FBLN1: variants seen among roughly 807,000 people sequenced by gnomAD.
FBLN1 encodes the protein fibulin-1.
FBLN1 carries 34 observed loss-of-function variants against 89.7 expected under a neutral mutation model. That is an observed-to-expected ratio of 0.38 (90% CI 0.29 to 0.50). The LOEUF is 0.50. FBLN1 is among the 20% of genes least tolerant of loss of function. The probability of loss-of-function intolerance (pLI) is 0.92; values close to 1 mark genes in which losing one functional copy is unlikely to be tolerated. For synonymous variants in FBLN1, 393 were observed against 391.3 expected, an observed-to-expected ratio of 1.00 and a Z score of -0.05; for missense variants, 777 against 988.1, an observed-to-expected ratio of 0.79 and a Z score of 2.86.
chr22:45,520,403 T>C (rs1400500771), intron 2 of FBLN1, among the ~76,000 whole-genome samples: 3 of 152,206 alleles, frequency 2.0e-5, no homozygotes, highest in African/African-American at 7.2e-5. Flanking sequence ...TCTCCCTGTG[T>C]CCTCACACGG....
rs1033369048 is a variant in FBLN1 at position 45,577,285 on chromosome 22, C to G, written c.1972+177C>G. Among the ~76,000 whole-genome samples the G allele has an allele frequency of 6.6e-6, 1 of 152,138 alleles. No homozygotes were observed. The highest frequency in any genetic ancestry group is 1.5e-5 in the Non-Finnish European group (1 of 68,036). On this transcript the variant is annotated intron_variant, in intron 16 of 16. Coordinates refer to ENST00000327858, the MANE Select transcript of FBLN1 (RefSeq NM_006486.3). The surrounding 1 kb of genome is among the most constrained non-coding windows in gnomAD (Gnocchi z 6.6). ...CAATCGGTCTCGGCCGGAGGAACAG[C>G]CAGAGTGGGGGATCCTGCCTGGGAT...
chr22:45,550,385 C>A lies in FBLN1; in HGVS notation c.1574-107C>A, dbSNP rs114273334. On this transcript the variant is annotated intron_variant, in intron 13 of 16. Transcript: ENST00000327858. The surrounding 1 kb of genome is among the most constrained non-coding windows in gnomAD (Gnocchi z 8.4). Reference sequence around the variant, plus strand: ...CAGTGGAGGGCAGGGATGGCCTGATCGCCACCCCTAACCCTAGTTGATGGG... The same window carrying A: ...CAGTGGAGGGCAGGGATGGCCTGATAGCCACCCCTAACCCTAGTTGATGGG... The A allele has an allele frequency of 4.0e-4, 606 of 1,519,920 alleles. 3 individuals are homozygous for A. The African/African-American group carries it at 7.5e-3, about 19-fold the overall frequency. The allele number at this position is 1,519,920 out of a possible 1,614,324, so 94.2% of individuals were successfully genotyped here.
In FBLN1 at chr22:45,563,129, A is replaced by G; in HGVS notation, c.1698-11382A>G. 1 of 1,613,254 alleles carries G rather than the reference A, an allele frequency of 6.2e-7. No individual in the cohort carries two copies. On this transcript the variant is annotated intron_variant, in intron 14 of 16. Transcript: ENST00000327858. This position sits in a 1 kb window ranked among gnomAD's most constrained non-coding sequence, Gnocchi z 5.7. ...CACCACCCGGAAGGTGAGCCCCCAC[A>G]GTGGGGTGGTGGCCCTCACCAAGCC...
chr22:45,570,855 G>T (rs1296601646), intron 14 of FBLN1, among the ~76,000 whole-genome samples: 1 of 152,146 alleles, frequency 6.6e-6, no homozygotes, highest in African/African-American at 2.4e-5. Context: ...AAGGCCGGGT[G>T]TGGTGGCTCA....
chr22:45,526,783 G>C (rs2088334497), intron 3 of FBLN1, among the ~76,000 whole-genome samples: 1 of 152,138 alleles, frequency 6.6e-6, no homozygotes, highest in South Asian at 2.1e-4. Flanking sequence ...GTGATGGTGG[G>C]GGTGCCTGGG....
rs1214951583 is a variant in FBLN1 at position 45,536,711 on chromosome 22, G to C, written c.922+1374G>C. 6.6e-6 allele frequency among the ~76,000 whole-genome samples: 1 copy of C among 152,028 alleles called. No individual in the cohort carries two copies. The highest frequency in any genetic ancestry group is 1.5e-5 in the Non-Finnish European group (1 of 68,020). ...GCCTGGGAGGCAGAGGTTGCAGTGA[G>C]CTGAGATCACGCCACTGTACTCCAG... On this transcript the variant is annotated intron_variant, in intron 8 of 16. Transcript: ENST00000327858. The surrounding 1 kb of genome is among the most constrained non-coding windows in gnomAD (Gnocchi z 5.1).
intron 11 of FBLN1, among the ~76,000 whole-genome samples, chr22:45,544,383 G>A (rs997556724): frequency 6.6e-6 from 1 of 152,092 alleles, no homozygotes; most frequent in Non-Finnish European, 1.5e-5. Context: ...CACCGCGCCC[G>A]GCCTGCCTCT....
At chr22:45,568,738 AGGGG>A (rs2088925050) in intron 14 of FBLN1, among the ~76,000 whole-genome samples, 1 of 71,980 alleles carries the variant, frequency 1.4e-5, no homozygotes, top group African/African-American at 6.9e-5. Context: ...ATGCTCCTGT[AGGGG>A]ACTTCTGTAG....
At chr22:45,542,097 T>TG (rs1379437249) in intron 9 of FBLN1, 58 bp from the exon 10 acceptor site, 2 of 1,613,084 alleles carry the variant, frequency 1.2e-6, no homozygotes. Flanking sequence ...CTGATCATCT[T>TG]GGGGGGAAAA....
Position 45,545,258 on chromosome 22 carries a change from C to T in FBLN1, c.1321+1732C>T, listed in dbSNP as rs564766370. 6.6e-5 allele frequency among the ~76,000 whole-genome samples: 10 copies of T among 152,134 alleles called. No homozygotes were observed. The highest frequency in any genetic ancestry group is 1.5e-4 in the Non-Finnish European group (10 of 68,028). On this transcript the variant is annotated intron_variant, in intron 11 of 16. Transcript: ENST00000327858. This position sits in a 1 kb window ranked among gnomAD's most constrained non-coding sequence, Gnocchi z 5.9. ...AACCTGACTTCTGCCATTTCCATGG[C>T]CTTGAAGAAGTAACTCAGTCTTTCC...
At chr22:45,518,535 T>C (rs2088201390) in intron 1 of FBLN1, 147 bp from the exon 2 acceptor site, 2 of 678,940 alleles carry the variant, frequency 2.9e-6, no homozygotes, top group Non-Finnish European at 5.3e-6. Context: ...TTTTCAGTAC[T>C]GGTTTGCAGA....
chr22:45,565,330 C>T, intron 14 of FBLN1: 1 of 1,229,636 alleles, frequency 8.1e-7, no homozygotes, highest in Non-Finnish European at 1.0e-6. Flanking sequence ...ACCCTTTGAG[C>T]TGCACCTGCC....
At position 45,578,169 on chromosome 22, in the gene FBLN1, T is replaced by C. The variant is rs2089013851; in HGVS notation, c.1972+1061T>C. The C allele has an allele frequency of 6.6e-6, 1 of 152,200 alleles. No homozygotes were observed. Among genetic ancestry groups the C allele is most frequent in the Non-Finnish European group, 1.5e-5 (1 of 68,046 alleles). The allele number at this position is 152,200 out of a possible 1,614,324, so 9.4% of individuals were successfully genotyped here. ...GCAGTGCGCACAGAGCAGAGCGTTT[T>C]GGAGCCTGGCCTCCAGGTGGCGCTG... On this transcript the variant is annotated intron_variant, in intron 16 of 16. Transcript: ENST00000327858. The surrounding 1 kb of genome is among the most constrained non-coding windows in gnomAD (Gnocchi z 4.6).
chr22:45,529,557 ACT>A (rs2146964462), intron 4 of FBLN1, among the ~76,000 whole-genome samples: 1 of 151,934 alleles, frequency 6.6e-6, no homozygotes, highest in African/African-American at 2.4e-5. Context: ...CTTTGCCCCC[ACT>A]CTCTTAAAAA....
At chr22:45,554,343 T>G (rs2088749702) in intron 14 of FBLN1, among the ~76,000 whole-genome samples, 1 of 152,222 alleles carries the variant, frequency 6.6e-6, no homozygotes, top group Non-Finnish European at 1.5e-5. Flanking sequence ...TCAGATCGCC[T>G]GGAGCACTCC....
chr22:45,571,109 C>A (rs1425476229), intron 14 of FBLN1, among the ~76,000 whole-genome samples: 3 of 25,836 alleles, frequency 1.2e-4, no homozygotes, highest in Non-Finnish European at 1.3e-4. Flanking sequence ...AAACAAGAGT[C>A]TCAAAAAAAA....
chr22:45,503,161 G>T (rs1483594057), intron 1 of FBLN1, 97 bp downstream of exon 1: 2 of 975,460 alleles, frequency 2.1e-6, no homozygotes, highest in East Asian at 8.7e-5. Context: ...CTCGGAGTCC[G>T]TGCGTTGCCC....
At chr22:45,517,021 G>A (rs1263379789) in intron 1 of FBLN1, among the ~76,000 whole-genome samples, 1 of 152,254 alleles carries the variant, frequency 6.6e-6, no homozygotes, top group Admixed American at 6.5e-5. Context: ...TCTGAAGGAC[G>A]CATAGTCTAG....
At chr22:45,528,119 C>T (rs1294198836) in intron 4 of FBLN1, 110 bp downstream of exon 4, 14 of 1,210,766 alleles carry the variant, frequency 1.2e-5, no homozygotes, top group Admixed American at 4.8e-5. Flanking sequence ...CTCATGTGAT[C>T]GTGGGGCTGG....
Sources: allele counts gnomAD v4.1 joint callset (sites outside exome capture counted in the v4.1 genomes callset), GRCh38; gene constraint gnomAD v4.1.1; non-coding constraint Gnocchi (gnomAD v3.1); transcripts MANE v1.5; gene names NCBI Gene and HGNC (gene_info 2026-07-23, HGNC 2026-07-21).